The following VCPIP1 variants were observed in gnomAD, a reference collection of about 807,000 sequenced individuals.
VCPIP1 encodes the protein deubiquitinating protein VCPIP1.
A neutral mutation model predicts 85.0 loss-of-function variants in VCPIP1; 8 were observed. The ratio of observed to expected loss-of-function variants is 0.09; its 90% confidence interval spans 0.06 to 0.17. VCPIP1 has a LOEUF of 0.17. Among genes scored for constraint, VCPIP1 ranks in the 10% least tolerant of loss-of-function variants. The pLI, the probability that VCPIP1 is intolerant of heterozygous loss-of-function variation, is 1.00. For synonymous variants in VCPIP1, 543 were observed against 544.5 expected, an observed-to-expected ratio of 1.00 and a Z score of 0.04; for missense variants, 1,070 against 1,486.3, an observed-to-expected ratio of 0.72 and a Z score of 4.61.
At chr8:66,657,990 C>A (rs1191459348) in intron 1 of VCPIP1, among the ~76,000 whole-genome samples, 3 of 152,136 alleles carry the variant, frequency 2.0e-5, no homozygotes, top group African/African-American at 7.2e-5. Flanking sequence ...TCTCCCATTA[C>A]AAGTATGCTA....
chr8:66,643,930 TG>T (rs1418875506), intron 2 of VCPIP1, among the ~76,000 whole-genome samples: 2 of 121,504 alleles, frequency 1.6e-5, no homozygotes, highest in Non-Finnish European at 3.6e-5. Flanking sequence ...AGATCAGAAA[TG>T]AAAGAACTAC....
chr8:66,632,084 C>T lies in VCPIP1; in HGVS notation c.*2417G>A, dbSNP rs199865496. 1 of 119,328 alleles carries T rather than the reference C, an allele frequency of 8.4e-6. No individual in the cohort carries two copies. Among genetic ancestry groups the T allele is most frequent in the Non-Finnish European group, 1.8e-5 (1 of 54,070 alleles). 7.4% of individuals were successfully genotyped at this position (119,328 alleles called of 1,614,324 possible). A position where few individuals can be genotyped will look rare whatever the true frequency, so the allele number is the denominator to read the frequency against. ...CTAGGGCTAAAAAAAAAAAAAAAAACAAATTTACCTGAGATGTCTAGCTTG... is the reference window on the plus strand; with the variant it reads ...CTAGGGCTAAAAAAAAAAAAAAAAATAAATTTACCTGAGATGTCTAGCTTG... On this transcript the variant is annotated 3_prime_UTR_variant, in exon 3 of 3. Coordinates refer to ENST00000310421, the MANE Select transcript of VCPIP1 (RefSeq NM_025054.5).
intron 2 of VCPIP1, among the ~76,000 whole-genome samples, chr8:66,641,871 G>C (rs1810951206): frequency 6.6e-6 from 1 of 152,096 alleles, no homozygotes; most frequent in South Asian, 2.1e-4. Flanking sequence ...TTCCATTTTA[G>C]GCTATGATGA....
In VCPIP1 at chr8:66,666,902, C is replaced by G. The variant is rs769874286; in HGVS notation, c.57G>C (p.Glu19Asp). ...CCAAGGACGACGGAGTCTGTGGAGC[C>G]TCAGGGGGAGGAGGTGGCGGCGGCA... Reference protein sequence around the residue: ...PPLPPPPPPPEAPQTPSSLAS... With the variant: ...PPLPPPPPPPDAPQTPSSLAS... Residue 19 changes from glutamate to aspartate, a missense_variant, in exon 1 of 3, where the codon GAG becomes GAC. By Grantham distance (45) the Glu-to-Asp change is conservative. This residue lies in a region of VCPIP1 where 164 missense variants were observed against 158.6 expected (regional missense o/e 1.03). Transcript: ENST00000310421. This position sits in a 1 kb window ranked among gnomAD's most constrained non-coding sequence, Gnocchi z 6.3. The G allele has an allele frequency of 2.7e-5, 44 of 1,603,854 alleles. No homozygotes were observed. Among genetic ancestry groups the G allele is most frequent in the Non-Finnish European group, 3.4e-5 (40 of 1,177,058 alleles).
In VCPIP1 at chr8:66,665,861, C is replaced by A; in HGVS notation, c.1098G>T (p.Leu366Phe). Residue 366 changes from leucine (L) to phenylalanine (F), a missense_variant, in exon 1 of 3, where the codon TTG becomes TTT. Leu to Phe is a conservative substitution (Grantham distance 22). Around this residue, in one of 8 missense-constraint regions of VCPIP1, gnomAD observed 118 missense variants for 337.1 expected, o/e 0.35. Transcript: ENST00000310421. This position sits in a 1 kb window ranked among gnomAD's most constrained non-coding sequence, Gnocchi z 4.3. ...GAAGCAAATTCATAGGCAGTTTGGGCAAAGCAGCCCCTTTTATGCCTACCA... is the reference window on the plus strand; with the variant it reads ...GAAGCAAATTCATAGGCAGTTTGGGAAAAGCAGCCCCTTTTATGCCTACCA... ...IPLVGIKGAA[L>F]PKLPMNLLPK... The A allele has an allele frequency of 6.2e-7, 1 of 1,614,160 alleles. No homozygotes were observed. The highest frequency in any genetic ancestry group is 8.5e-7 in the Non-Finnish European group (1 of 1,180,030).
In VCPIP1 at chr8:66,664,722, A is replaced by G. The variant is rs1811190198; in HGVS notation, c.2237T>C (p.Val746Ala). ...KQEQKGQPRT[V>A]SPSTIRDGPS... is the part of the protein sequence containing the mutation. ...ACCATCACGAATGGTACTGGGAGAA[A>G]CAGTCCTGGGTTGCCCTTTTTGTTC... Residue 746 changes from valine to alanine, a missense_variant, in exon 1 of 3, where the codon GTT becomes GCT. By Grantham distance (64) the Val-to-Ala change is moderately conservative. Coordinates refer to ENST00000310421, the MANE Select transcript of VCPIP1 (RefSeq NM_025054.5). The G allele has an allele frequency of 6.2e-7, 1 of 1,613,660 alleles. No homozygotes were observed. The highest frequency in any genetic ancestry group is 8.5e-7 in the Non-Finnish European group (1 of 1,179,938).
chr8:66,638,323 A>C (rs60784079), intron 2 of VCPIP1, among the ~76,000 whole-genome samples: 1 of 151,802 alleles, frequency 6.6e-6, no homozygotes, highest in African/African-American at 2.4e-5. Context: ...TCACCTCTAC[A>C]AAAAATTTAA....
chr8:66,638,983 T>C (rs535447019), intron 2 of VCPIP1, among the ~76,000 whole-genome samples: 4 of 149,644 alleles, frequency 2.7e-5, no homozygotes, highest in Admixed American at 1.3e-4. Context: ...TATATATATA[T>C]ATACATATAT....
At chr8:66,659,814 C>T (rs1811138665) in intron 1 of VCPIP1, among the ~76,000 whole-genome samples, 1 of 151,986 alleles carries the variant, frequency 6.6e-6, no homozygotes, top group Non-Finnish European at 1.5e-5. Context: ...CACCTGTAGT[C>T]CCAGCTACTT....
intron 1 of VCPIP1, among the ~76,000 whole-genome samples, chr8:66,662,981 T>A (rs2130183048): frequency 6.6e-6 from 1 of 151,742 alleles, no homozygotes; most frequent in South Asian, 2.1e-4. Flanking sequence ...GGCGTGGGCC[T>A]GTAGTCCCAG....
chr8:66,643,415 T>G (rs549351012), intron 2 of VCPIP1, among the ~76,000 whole-genome samples: 1 of 149,800 alleles, frequency 6.7e-6, no homozygotes, highest in Non-Finnish European at 1.5e-5. Context: ...AAAAAAAAAT[T>G]TGTAGGCTGG....
At position 66,634,596 on chromosome 8, in the gene VCPIP1, T is replaced by C. The variant is rs1369403235; in HGVS notation, c.3574A>G (p.Lys1192Glu). The C allele has an allele frequency of 8.1e-6, 13 of 1,614,106 alleles. No homozygotes were observed. The highest frequency in any genetic ancestry group is 2.7e-5 in the African/African-American group (2 of 74,924). Reference sequence around the variant, plus strand: ...TCCACGGAATTTCCCCTTTGTGCTTTTGACCTTGTGGCAAAGGCTGCTCCC... The same window carrying C: ...TCCACGGAATTTCCCCTTTGTGCTTCTGACCTTGTGGCAAAGGCTGCTCCC... ...ALGAAFATRS[K>E]AQRGNSVEEL... Residue 1192 changes from lysine to glutamate, a missense_variant, in exon 3 of 3, where the codon AAA becomes GAA. This residue lies in a region of VCPIP1 where 255 missense variants were observed against 289.5 expected (regional missense o/e 0.88). Transcript: ENST00000310421.
Position 66,664,762 on chromosome 8 carries a change from C to T in VCPIP1, c.2197G>A (p.Glu733Lys). The part of the protein sequence containing the change: ...QASVMQKRKT[E>K]KLKQEQKGQP... The stretch of plus-strand genomic sequence containing the variant: ...CCTTTTTGTTCTTGTTTTAACTTCT[C>T]TGTTTTCCGTTTCTGCATTACAGAA... The change falls in exon 1 of 3, where the codon GAG becomes AAG. Residue 733 changes from glutamate (E) to lysine (K), a missense_variant. Around this residue, in one of 8 missense-constraint regions of VCPIP1, gnomAD observed 278 missense variants for 298.5 expected, o/e 0.93. Coordinates refer to ENST00000310421, the MANE Select transcript of VCPIP1 (RefSeq NM_025054.5). 6.2e-7 allele frequency: 1 copy of T among 1,612,782 alleles called. No individual in the cohort carries two copies. The highest frequency in any genetic ancestry group is 1.1e-5 in the South Asian group (1 of 90,948).
At position 66,634,846 on chromosome 8, in the gene VCPIP1, T is replaced by C. The variant is rs1238746567; in HGVS notation, c.3324A>G (p.Lys1108=). The C allele has an allele frequency of 6.2e-7, 1 of 1,614,150 alleles. No individual in the cohort carries two copies. The change falls in exon 3 of 3, where the codon AAA becomes AAG. Residue 1108 remains lysine, a synonymous_variant. Coordinates refer to ENST00000310421, the MANE Select transcript of VCPIP1 (RefSeq NM_025054.5). The part of the protein sequence containing the change: ...DPDLVEAQRK[K]LQEMVSSIQA... ...GAATAGAAGAAACCATTTCCTGCAA[T>C]TTTTTTCGCTGGGCCTCAACCAAAT... is the stretch of plus-strand genomic sequence containing the variant.
intron 2 of VCPIP1, among the ~76,000 whole-genome samples, chr8:66,648,739 A>G (rs879386809): frequency 6.6e-6 from 1 of 151,816 alleles, no homozygotes; most frequent in African/African-American, 2.4e-5. Flanking sequence ...GTATTTTTTG[A>G]AGAGATGAGG....
In VCPIP1 at chr8:66,640,036, T is replaced by C. The variant is rs556722599; in HGVS notation, c.2798-4664A>G. On this transcript the variant is annotated intron_variant, in intron 2 of 2. Coordinates refer to ENST00000310421, the MANE Select transcript of VCPIP1 (RefSeq NM_025054.5). ...AAATAATCTGTGCAACAAATCCCCATGACACAAGTTTACCTAGGTAACAAA... is the reference window on the plus strand; with the variant it reads ...AAATAATCTGTGCAACAAATCCCCACGACACAAGTTTACCTAGGTAACAAA... Among the ~76,000 whole-genome samples the C allele has an allele frequency of 3.3e-5, 5 of 152,224 alleles. No individual in the cohort carries two copies. The South Asian group carries it at 1.0e-3, about 32-fold the overall frequency.
At chr8:66,642,746 A>G (rs1034013991) in intron 2 of VCPIP1, among the ~76,000 whole-genome samples, 2 of 152,218 alleles carry the variant, frequency 1.3e-5, no homozygotes, top group Non-Finnish European at 2.9e-5. Context: ...ATTTCAAACT[A>G]GAAACAAAAC....
At chr8:66,654,557 T>C (rs1811082023) in intron 1 of VCPIP1, among the ~76,000 whole-genome samples, 1 of 152,182 alleles carries the variant, frequency 6.6e-6, no homozygotes, top group Non-Finnish European at 1.5e-5. Context: ...CATCAACAAC[T>C]GGTTGGAGAA....
At position 66,667,009 on chromosome 8, in the gene VCPIP1, T is replaced by G; in HGVS notation, c.-51A>C. 1.4e-6 allele frequency: 2 copies of G among 1,463,810 alleles called. No homozygotes were observed. Among genetic ancestry groups the G allele is most frequent in the Non-Finnish European group, 1.8e-6 (2 of 1,113,888 alleles). 90.7% of individuals were successfully genotyped at this position (1,463,810 alleles called of 1,614,324 possible). A position where few individuals can be genotyped will look rare whatever the true frequency, so the allele number is the denominator to read the frequency against. ...CGCGTCCCAGGCGACCCTCAAAAGC[T>G]CATAGCCCAGACCCCCACCAACCCG... On this transcript the variant is annotated 5_prime_UTR_variant, in exon 1 of 3. Coordinates refer to ENST00000310421, the MANE Select transcript of VCPIP1 (RefSeq NM_025054.5).
Sources: allele counts gnomAD v4.1 joint callset (sites outside exome capture counted in the v4.1 genomes callset), GRCh38; gene constraint gnomAD v4.1.1; regional missense constraint gnomAD v4.1.1; non-coding constraint Gnocchi (gnomAD v3.1); transcripts MANE v1.5; gene names NCBI Gene and HGNC (gene_info 2026-07-23, HGNC 2026-07-21).